PPP6C: variants seen among roughly 807,000 people sequenced by gnomAD.
PPP6C encodes the protein serine/threonine-protein phosphatase 6 catalytic subunit.
PPP6C carries 11 observed loss-of-function variants against 39.8 expected under a neutral mutation model. The ratio of observed to expected loss-of-function variants is 0.28; its 90% CI spans 0.17 to 0.46. PPP6C has a LOEUF of 0.46. Ranked by LOEUF, PPP6C falls within the 20% of genes least tolerant of loss-of-function variation. The pLI, the probability that PPP6C is intolerant of heterozygous loss-of-function variation, is 1.00. For synonymous variants in PPP6C, 129 were observed against 130.3 expected, an observed-to-expected ratio of 0.99 and a Z score of 0.07; for missense variants, 211 against 373.9, an observed-to-expected ratio of 0.56 and a Z score of 3.59.
At chr9:125,158,189 C>T in intron 4 of PPP6C, 52 bp downstream of exon 4, 1 of 1,522,628 alleles carries the variant, frequency 6.6e-7, no homozygotes, top group African/African-American at 1.4e-5. Context: ...GCTTTGTTTT[C>T]CAAAGAGGAA....
intron 1 of PPP6C, among the ~76,000 whole-genome samples, chr9:125,178,030 C>T (rs1189552927): frequency 6.6e-6 from 1 of 152,070 alleles, no homozygotes; most frequent in African/African-American, 2.4e-5. Context: ...GGGTGTATTA[C>T]AGTTTGTTTA....
chr9:125,155,901 T>C (rs1173799736), intron 4 of PPP6C, among the ~76,000 whole-genome samples: 1 of 130,688 alleles, frequency 7.7e-6, no homozygotes, highest in African/African-American at 3.0e-5. Context: ...CGAGACTCCG[T>C]CTCAAAAAAA....
intron 1 of PPP6C, among the ~76,000 whole-genome samples, chr9:125,180,190 T>C (rs890047299): frequency 1.3e-5 from 2 of 152,228 alleles, no homozygotes; most frequent in Middle Eastern, 6.8e-3. Context: ...TAAATAATAA[T>C]AATCACAACC....
chr9:125,184,952 G>C (rs1023170262), intron 1 of PPP6C, among the ~76,000 whole-genome samples: 5 of 113,350 alleles, frequency 4.4e-5, no homozygotes, highest in South Asian at 6.7e-4. Context: ...GGGCAATAGA[G>C]TTAGATTCAG....
At chr9:125,162,340 C>A (rs1312276349) in intron 2 of PPP6C, among the ~76,000 whole-genome samples, 1 of 151,466 alleles carries the variant, frequency 6.6e-6, no homozygotes, top group East Asian at 1.9e-4. Context: ...CACCTGTAAT[C>A]CCAGCTACCT....
chr9:125,153,404 A>G, intron 6 of PPP6C, 129 bp downstream of exon 6: 1 of 852,120 alleles, frequency 1.2e-6, no homozygotes, highest in Non-Finnish European at 1.8e-6. Context: ...ACTAAACTAG[A>G]AATTTAATAT....
chr9:125,185,156 T>C (rs1259342589), intron 1 of PPP6C, among the ~76,000 whole-genome samples: 1 of 152,110 alleles, frequency 6.6e-6, no homozygotes, highest in African/African-American at 2.4e-5. Context: ...GTATCTTTTA[T>C]TAATCTCTCT....
At position 125,151,295 on chromosome 9, in the gene PPP6C, G is replaced by A; in HGVS notation, c.670-1374C>T. On this transcript the variant is annotated intron_variant, in intron 6 of 6. Transcript: ENST00000373547. ...GGATCTGGTGGCCATCCTTGCGGAT[G>A]ACATGGTTGACACTTGTGGCACAAT... The A allele has an allele frequency of 2.7e-6, 4 of 1,486,588 alleles. No individual in the cohort carries two copies. In the South Asian group the frequency reaches 4.5e-5, roughly 17 times the overall value. The allele number at this position is 1,486,588 out of a possible 1,614,324, so 92.1% of individuals were successfully genotyped here. A position where few individuals can be genotyped will look rare whatever the true frequency, so the allele number is the denominator to read the frequency against.
intron 2 of PPP6C, among the ~76,000 whole-genome samples, chr9:125,169,409 T>C (rs1829093595): frequency 6.6e-6 from 1 of 152,226 alleles, no homozygotes; most frequent in South Asian, 2.1e-4. Context: ...TAGTTCGAGG[T>C]TGGTCTCTAA....
intron 4 of PPP6C, among the ~76,000 whole-genome samples, chr9:125,155,617 CA>C (rs1365432290): frequency 6.6e-6 from 1 of 152,124 alleles, no homozygotes; most frequent in African/African-American, 2.4e-5. Context: ...AAACATATGT[CA>C]TATGGCTGGA....
intron 1 of PPP6C, among the ~76,000 whole-genome samples, chr9:125,174,910 TA>T (rs1350695828): frequency 7.2e-6 from 1 of 138,088 alleles, no homozygotes; most frequent in Non-Finnish European, 1.6e-5. Context: ...AGAACCTATC[TA>T]AAAAAAAGAA....
chr9:125,153,924 G>A lies in PPP6C; in HGVS notation c.441C>T (p.Asp147=). ...NAWRYCTKVF[D]MLTVAALIDE... ...AACTTACAGCTGCTACTGTGAGCAT[G>A]TCAAAAACTTTGGTACAGTATCTCC... is the stretch of plus-strand genomic sequence containing the variant. Residue 147 remains aspartate, a synonymous_variant, in exon 5 of 7, where the codon GAC becomes GAT. Coordinates refer to ENST00000373547, the MANE Select transcript of PPP6C (RefSeq NM_002721.5). 1 of 1,610,168 alleles carries A rather than the reference G, an allele frequency of 6.2e-7. No homozygotes were observed.
At chr9:125,166,988 C>T (rs1829030789) in intron 2 of PPP6C, among the ~76,000 whole-genome samples, 1 of 152,174 alleles carries the variant, frequency 6.6e-6, no homozygotes, top group Admixed American at 6.6e-5. Context: ...TAGCCTCAAA[C>T]TCCTGGGCTC....
rs1829632105 is a variant in PPP6C, at chr9:125,189,799, A to C, written c.-81T>G. 6.8e-7 allele frequency: 1 copy of C among 1,475,660 alleles called. No homozygotes were observed. Among genetic ancestry groups the C allele is most frequent in the Non-Finnish European group, 9.1e-7 (1 of 1,103,492 alleles). The allele number at this position is 1,475,660 out of a possible 1,614,324, so 91.4% of individuals were successfully genotyped here. A position where few individuals can be genotyped will look rare whatever the true frequency, so the allele number is the denominator to read the frequency against. On this transcript the variant is annotated 5_prime_UTR_variant, in exon 1 of 7. Coordinates refer to ENST00000373547, the MANE Select transcript of PPP6C (RefSeq NM_002721.5). ...GGCAGCGGCGGAGGCCGAAGCCGGA[A>C]CTTTCCCTGCGTCACGTCCGGCCCG...
At chr9:125,172,752 AACACACAC>A (rs368777039) in intron 1 of PPP6C, among the ~76,000 whole-genome samples, 1 of 108,300 alleles carries the variant, frequency 9.2e-6, no homozygotes, top group African/African-American at 4.4e-5. Flanking sequence ...CACACACACA[AACACACAC>A]ACACACACAC....
At chr9:125,167,836 G>C (rs1346525024) in intron 2 of PPP6C, among the ~76,000 whole-genome samples, 2 of 116,266 alleles carry the variant, frequency 1.7e-5, no homozygotes, top group African/African-American at 3.2e-5. Context: ...AGATGGGGGG[G>C]GGGGGGGGGG....
chr9:125,172,038 G>C (rs1027718204), intron 1 of PPP6C: 15 of 450,908 alleles, frequency 3.3e-5, no homozygotes, highest in Non-Finnish European at 5.4e-5. Flanking sequence ...TGAGTGAATG[G>C]TTAAACACAT....
intron 4 of PPP6C, 133 bp from the exon 5 acceptor site, chr9:125,154,118 A>T: frequency 1.5e-6 from 1 of 682,784 alleles, no homozygotes; most frequent in Non-Finnish European, 2.5e-6. Flanking sequence ...ACACATATTT[A>T]GTCCTGCTAG....
intron 2 of PPP6C, among the ~76,000 whole-genome samples, chr9:125,163,451 G>A (rs923211121): frequency 1.3e-5 from 2 of 151,864 alleles, no homozygotes; most frequent in Non-Finnish European, 2.9e-5. Flanking sequence ...TTGTTTTTTT[G>A]AGACAGTCTC....
Sources: allele counts gnomAD v4.1 joint callset (sites outside exome capture counted in the v4.1 genomes callset), GRCh38; gene constraint gnomAD v4.1.1; transcripts MANE v1.5; gene names NCBI Gene and HGNC (gene_info 2026-07-23, HGNC 2026-07-21).